ULK4: variants seen among roughly 807,000 people sequenced by gnomAD.
ULK4 encodes the protein inactive serine/threonine-protein kinase ULK4.
Under a neutral mutation model 160.6 loss-of-function variants are expected in ULK4, and 133 were observed. The observed-to-expected ratio is 0.83, with a 90% CI of 0.72 to 0.96. The LOEUF (loss-of-function observed/expected upper bound fraction) is 0.96, where lower values mean the gene tolerates loss of function less well. Ranked by LOEUF, ULK4 falls within the 40% of genes least tolerant of loss-of-function variation. ULK4 has a pLI of 0.00. For missense variants in ULK4, 1,580 were observed against 1,499.5 expected, an observed-to-expected ratio of 1.05 and a Z score of -0.89; for synonymous variants, 534 against 539.8, an observed-to-expected ratio of 0.99 and a Z score of 0.15.
rs1397519836 is a variant in ULK4 at position 41,931,931 on chromosome 3, C to T, written c.454G>A (p.Glu152Lys). 1.9e-6 allele frequency: 3 copies of T among 1,613,994 alleles called. No homozygotes were observed. Among genetic ancestry groups the T allele is most frequent in the Admixed American group, 3.3e-5 (2 of 59,990 alleles). Reference protein sequence around the residue: ...LAKVEGENLEEFFALVAAEEG... With the variant: ...LAKVEGENLEKFFALVAAEEG... ...TCTGCTGCCACCAAAGCAAAGAACTCTTCCAAATTTTCACCTTCCACTTTT... is the reference window on the plus strand; with the variant it reads ...TCTGCTGCCACCAAAGCAAAGAACTTTTCCAAATTTTCACCTTCCACTTTT... The change falls in exon 5 of 37, where the codon GAG (glutamate) becomes AAG (lysine). Residue 152 changes from glutamate to lysine, a missense_variant. Transcript: ENST00000301831.
intron 17 of ULK4, among the ~76,000 whole-genome samples, chr3:41,882,719 C>T (rs906275747): frequency 5.3e-5 from 8 of 152,194 alleles, no homozygotes; most frequent in South Asian, 2.1e-4. Context: ...CCTGCTCTGA[C>T]GATGCAGGAA....
chr3:41,592,174 A>AACAC (rs1329460196), intron 31 of ULK4, among the ~76,000 whole-genome samples: 14 of 152,186 alleles, frequency 9.2e-5, no homozygotes, highest in Admixed American at 2.0e-4. Flanking sequence ...TCCACCCTTG[A>AACAC]ACACACACCC....
intron 35 of ULK4, among the ~76,000 whole-genome samples, chr3:41,390,790 T>C (rs964419191): frequency 6.6e-6 from 1 of 152,198 alleles, no homozygotes. Context: ...CTTCCAACTA[T>C]GTGGTCTATT....
chr3:41,947,941 T>G (rs1251437855), intron 2 of ULK4, among the ~76,000 whole-genome samples: 1 of 152,170 alleles, frequency 6.6e-6, no homozygotes, highest in African/African-American at 2.4e-5. Flanking sequence ...CCAGGCTCTA[T>G]AAATCAGGAA....
At chr3:41,564,804 A>G (rs189128752) in intron 32 of ULK4, among the ~76,000 whole-genome samples, 2 of 152,184 alleles carry the variant, frequency 1.3e-5, no homozygotes, top group Admixed American at 1.3e-4. Context: ...CTAAGTGTAC[A>G]GGGTTTATAA....
chr3:41,709,251 A>T (rs1367517349), intron 25 of ULK4, among the ~76,000 whole-genome samples: 1 of 152,228 alleles, frequency 6.6e-6, no homozygotes, highest in East Asian at 1.9e-4. Context: ...AAACTTAAAG[A>T]CATTTATTGT....
At position 41,246,890 on chromosome 3, in the gene ULK4, TG is replaced by T; in HGVS notation, c.*38del. ...TGACCTTGCTTATGCATCCGAGGGC[TG>T]GGGCCACAGGGCGGGCTTGTGCTAA... is the stretch of plus-strand genomic sequence containing the variant. On this transcript the variant is annotated 3_prime_UTR_variant, in exon 37 of 37. Coordinates refer to ENST00000301831, the MANE Select transcript of ULK4 (RefSeq NM_017886.4). 6.2e-7 allele frequency: 1 copy of T among 1,608,128 alleles called. No homozygotes were observed. The highest frequency in any genetic ancestry group is 8.5e-7 in the Non-Finnish European group (1 of 1,177,124).
intron 35 of ULK4, among the ~76,000 whole-genome samples, chr3:41,323,391 AACACACACACACACACACACACACACAC>A (rs34357899): frequency 1.7e-5 from 2 of 120,266 alleles, no homozygotes; most frequent in African/African-American, 3.1e-5. Context: ...CCTGAACAAT[AACACACACACACACACACACACACACAC>A]ACACACACAC....
At chr3:41,410,044 C>T (rs549992837) in intron 34 of ULK4, among the ~76,000 whole-genome samples, 2 of 152,096 alleles carry the variant, frequency 1.3e-5, no homozygotes, top group South Asian at 4.2e-4. Flanking sequence ...CAGACAGTAA[C>T]AAGCAGTTGG....
chr3:41,440,981 A>C (rs34700267), intron 34 of ULK4, among the ~76,000 whole-genome samples: 40,137 of 151,762 alleles, frequency 0.26, 5,543 homozygotes, highest in East Asian at 0.57. Context: ...ATTTGTAGAG[A>C]TGTCTCTCCA....
At chr3:41,551,601 A>G (rs1368302533) in intron 32 of ULK4, among the ~76,000 whole-genome samples, 1 of 152,028 alleles carries the variant, frequency 6.6e-6, no homozygotes, top group Non-Finnish European at 1.5e-5. Flanking sequence ...ACCAATAATG[A>G]GTAATGAGAT....
At chr3:41,774,618 G>A (rs1282101077) in intron 21 of ULK4, among the ~76,000 whole-genome samples, 1 of 149,872 alleles carries the variant, frequency 6.7e-6, no homozygotes, top group African/African-American at 2.5e-5. Flanking sequence ...CTTTTACAGT[G>A]TTGGTGGGAC....
intron 35 of ULK4, among the ~76,000 whole-genome samples, chr3:41,348,467 C>T (rs1293610024): frequency 1.3e-5 from 2 of 152,058 alleles, no homozygotes; most frequent in East Asian, 1.9e-4. Flanking sequence ...CTCTAGAATG[C>T]CCCTATTATT....
At chr3:41,660,785 G>T (rs2035125974) in intron 30 of ULK4, among the ~76,000 whole-genome samples, 1 of 152,136 alleles carries the variant, frequency 6.6e-6, no homozygotes, top group Admixed American at 6.5e-5. Context: ...AATCCAGAAA[G>T]AGACTGCAAA....
At chr3:41,463,399 A>G (rs2083743781) in intron 32 of ULK4, 146 bp from the exon 33 acceptor site, 2 of 763,076 alleles carry the variant, frequency 2.6e-6, no homozygotes, top group African/African-American at 1.8e-5. Context: ...CACTGAGGAA[A>G]GTTGTTTAAA....
intron 35 of ULK4, among the ~76,000 whole-genome samples, chr3:41,390,040 A>C (rs978846240): frequency 3.9e-5 from 6 of 152,040 alleles, no homozygotes; most frequent in African/African-American, 9.7e-5. Context: ...ATTATTGCCT[A>C]AATTTCAGAT....
In ULK4 at chr3:41,398,134, G is replaced by A. The variant is rs368499845; in HGVS notation, c.3623C>T (p.Thr1208Ile). Residue 1208 changes from threonine to isoleucine, a missense_variant, in exon 35 of 37, where the codon ACA (threonine) becomes ATA (isoleucine). Physicochemically the swap from Thr to Ile is moderately conservative, Grantham distance 89 (BLOSUM62 -1). Coordinates refer to ENST00000301831, the MANE Select transcript of ULK4 (RefSeq NM_017886.4). ...ENVEIFAHLL[T>I]SKEDPKEQKL... ...CTGCTCCTTTGGGTCCTCCTTGGAT[G>A]TCAGTAAATGAGCAAAAATTTCCAC... 1.4e-5 allele frequency: 23 copies of A among 1,613,360 alleles called. No homozygotes were observed. In the African/African-American group the frequency reaches 2.5e-4, roughly 18 times the overall value.
chr3:41,529,942 AG>A (rs1425585145), intron 32 of ULK4, among the ~76,000 whole-genome samples: 5 of 152,184 alleles, frequency 3.3e-5, no homozygotes, highest in African/African-American at 4.8e-5. Flanking sequence ...AAATCCATAG[AG>A]ATTAGTGGTT....
intron 30 of ULK4, among the ~76,000 whole-genome samples, chr3:41,619,990 T>C (rs149816589): frequency 4.9e-4 from 75 of 152,170 alleles, no homozygotes; most frequent in African/African-American, 1.5e-3. Context: ...AAAACCTCTA[T>C]GCAAATAAAC....
Sources: allele counts gnomAD v4.1 joint callset (sites outside exome capture counted in the v4.1 genomes callset), GRCh38; gene constraint gnomAD v4.1.1; transcripts MANE v1.5; gene names NCBI Gene and HGNC (gene_info 2026-07-23, HGNC 2026-07-21).